The following CRB1 variants were observed in gnomAD, a reference collection of about 807,000 sequenced individuals.
The protein encoded by CRB1 is protein crumbs homolog 1.
In CRB1, 83 loss-of-function variants were observed where a neutral mutation model predicts 120.0. The ratio of observed to expected loss-of-function variants is 0.69; its 90% confidence interval spans 0.58 to 0.83. The LOEUF (loss-of-function observed/expected upper bound fraction) is 0.83, where lower values mean the gene tolerates loss of function less well. Among genes scored for constraint, CRB1 ranks in the 40% least tolerant of loss-of-function variants. CRB1 has a pLI of 0.00. For synonymous variants in CRB1, 625 were observed against 612.5 expected, an observed-to-expected ratio of 1.02 and a Z score of -0.30; for missense variants, 1,699 against 1,687.6, an observed-to-expected ratio of 1.01 and a Z score of -0.12.
rs1660356057 is a variant in CRB1, at chr1:197,354,817, GCCCCCCCACC to G, written c.989-2006_989-1997del. On this transcript the variant is annotated intron_variant, in intron 4 of 11. Transcript: ENST00000367400. ...GCTTTTATTCCCTTATCTGCCCCCC[GCCCCCCCACC>G]CCCCCCCCCCGCCCACCCCCCCCCC... Among the ~76,000 whole-genome samples, 173 of 19,468 alleles carry G rather than the reference GCCCCCCCACC, an allele frequency of 8.9e-3. 3 individuals carry two copies. The highest frequency in any genetic ancestry group is 0.03 in the South Asian group (9 of 302). 12.8% of individuals were successfully genotyped at this position (19,468 alleles called of 152,430 possible).
At chr1:197,372,911 A>T (rs1661448696) in intron 5 of CRB1, among the ~76,000 whole-genome samples, 1 of 152,050 alleles carries the variant, frequency 6.6e-6, no homozygotes, top group South Asian at 2.1e-4. Flanking sequence ...TCCTGTAGTG[A>T]GTTTAGATTG....
the CRB1 span, chr1:197,222,937 T>A: frequency 1.1e-6 from 1 of 949,228 alleles, no homozygotes; most frequent in Non-Finnish European, 1.7e-6. Flanking sequence ...CTGTTGACGC[T>A]CTGCAAGAGT....
intron 1 of CRB1, among the ~76,000 whole-genome samples, chr1:197,294,307 G>A (rs1237646291): frequency 6.6e-6 from 1 of 151,740 alleles, no homozygotes; most frequent in East Asian, 1.9e-4. Flanking sequence ...ACAGACACAC[G>A]AAAAAAAATA....
Position 197,477,764 on chromosome 1 carries a change from C to T in CRB1, c.4106C>T (p.Thr1369Ile), listed in dbSNP as rs1667262233. 6.2e-7 allele frequency: 1 copy of T among 1,613,870 alleles called. No homozygotes were observed. The highest frequency in any genetic ancestry group is 1.7e-5 in the Admixed American group (1 of 59,968). Residue 1369 changes from threonine (T) to isoleucine (I), a missense_variant, in exon 12 of 12, where the codon ACC becomes ATC. Physicochemically the swap from Thr to Ile is moderately conservative, Grantham distance 89 (BLOSUM62 -1). Coordinates refer to ENST00000367400, the MANE Select transcript of CRB1 (RefSeq NM_201253.3). ...LLLAIVASVVTSNKRATQGTY... is the reference protein window; with the variant it reads ...LLLAIVASVVISNKRATQGTY... ...CTGGCCATTGTTGCTTCTGTTGTCA[C>T]CTCCAACAAAAGGGCAACTCAGGGA...
Position 197,429,624 on chromosome 1 carries a change from G to A in CRB1, c.2842+10G>A, listed in dbSNP as rs1238710977. 3 of 1,612,898 alleles carry A rather than the reference G, an allele frequency of 1.9e-6. No homozygotes were observed. The highest frequency in any genetic ancestry group is 1.7e-5 in the Admixed American group (1 of 59,974). The stretch of plus-strand genomic sequence containing the variant: ...CTTCAAGGATTTGAATGTAGGTAGA[G>A]TTCAAACCTACCATCTCACCAGTTA... On this transcript the variant is annotated intron_variant, in intron 8 of 11. Coordinates refer to ENST00000367400, the MANE Select transcript of CRB1 (RefSeq NM_201253.3).
intron 5 of CRB1, among the ~76,000 whole-genome samples, chr1:197,389,474 G>A (rs1053822574): frequency 2.6e-5 from 4 of 152,080 alleles, no homozygotes; most frequent in Non-Finnish European, 5.9e-5. Context: ...CTTTTATAAA[G>A]TTCCTGGAGT....
At chr1:197,298,976 G>A (rs890595676) in intron 1 of CRB1, among the ~76,000 whole-genome samples, 4 of 151,830 alleles carry the variant, frequency 2.6e-5, no homozygotes, top group African/African-American at 9.7e-5. Flanking sequence ...TAAGACAAAA[G>A]TGGTAATTAT....
chr1:197,210,123 T>C, the CRB1 span, among the ~76,000 whole-genome samples: 2 of 152,200 alleles, frequency 1.3e-5, no homozygotes, highest in African/African-American at 4.8e-5. Context: ...TATGGAGAAA[T>C]TATTAGTTAA....
chr1:197,430,218 A>G (rs752286736), intron 8 of CRB1, among the ~76,000 whole-genome samples: 15 of 152,320 alleles, frequency 9.8e-5, no homozygotes, highest in South Asian at 6.2e-4. Context: ...AGTATTCACA[A>G]TTTTGACATA....
At chr1:197,245,610 T>C in the CRB1 span, among the ~76,000 whole-genome samples, 40 of 152,282 alleles carry the variant, frequency 2.6e-4, no homozygotes, top group African/African-American at 9.6e-4. Flanking sequence ...TTTTCTTTTT[T>C]TCCCATTCAC....
intron 11 of CRB1, among the ~76,000 whole-genome samples, chr1:197,454,963 T>C (rs1666204335): frequency 1.3e-5 from 2 of 152,178 alleles, no homozygotes; most frequent in Admixed American, 6.5e-5. Flanking sequence ...CATAGCTTCG[T>C]ACATAAGAGT....
intron 5 of CRB1, among the ~76,000 whole-genome samples, chr1:197,366,807 A>G (rs1661102674): frequency 6.6e-6 from 1 of 152,202 alleles, no homozygotes; most frequent in South Asian, 2.1e-4. Flanking sequence ...CTCATTTGGT[A>G]AGGTAATTGA....
At chr1:197,434,457 AC>A (rs1320422102) in intron 8 of CRB1, among the ~76,000 whole-genome samples, 1 of 152,136 alleles carries the variant, frequency 6.6e-6, no homozygotes, top group Non-Finnish European at 1.5e-5. Context: ...TAATTACATG[AC>A]CATGAACAAA....
intron 11 of CRB1, among the ~76,000 whole-genome samples, chr1:197,447,806 A>T (rs1427053332): frequency 6.7e-6 from 1 of 148,966 alleles, no homozygotes; most frequent in East Asian, 2.1e-4. Flanking sequence ...ATGAGCCATG[A>T]TGGCACCACT....
chr1:197,308,616 GTGA>G (rs1304405049), intron 1 of CRB1, among the ~76,000 whole-genome samples: 6 of 151,952 alleles, frequency 3.9e-5, no homozygotes, highest in Non-Finnish European at 8.8e-5. Context: ...TATAATGATG[GTGA>G]TGATGCTTTG....
At chr1:197,474,746 C>T (rs1667126330) in intron 11 of CRB1, among the ~76,000 whole-genome samples, 1 of 152,160 alleles carries the variant, frequency 6.6e-6, no homozygotes, top group Non-Finnish European at 1.5e-5. Flanking sequence ...TGGGCACTCC[C>T]AACTCTCTCA....
intron 1 of CRB1, among the ~76,000 whole-genome samples, chr1:197,289,150 C>CA (rs1379337443): frequency 2.0e-5 from 3 of 151,494 alleles, no homozygotes; most frequent in Non-Finnish European, 3.0e-5. Flanking sequence ...CAAAACAAAA[C>CA]AAAAAACAAA....
chr1:197,341,231 C>T (rs116066106), intron 2 of CRB1, among the ~76,000 whole-genome samples: 190 of 152,168 alleles, frequency 1.2e-3, no homozygotes, highest in African/African-American at 4.3e-3. Flanking sequence ...CTGAAGAAGA[C>T]ATTCTAGACG....
chr1:197,268,605 GTT>G, intron 1 of CRB1, 123 bp downstream of exon 1: 1 of 666,094 alleles, frequency 1.5e-6, no homozygotes. Flanking sequence ...GTTTTTATTT[GTT>G]TTTTTTTTAA....
Sources: allele counts gnomAD v4.1 joint callset (sites outside exome capture counted in the v4.1 genomes callset), GRCh38; gene constraint gnomAD v4.1.1; transcripts MANE v1.5; gene names NCBI Gene and HGNC (gene_info 2026-07-23, HGNC 2026-07-21).